LRP5: variants seen among roughly 807,000 people sequenced by gnomAD.
The protein encoded by LRP5 is LDL receptor related protein 5.
In LRP5, 62 loss-of-function variants were observed where a neutral mutation model predicts 154.1. The ratio of observed to expected loss-of-function variants is 0.40; its 90% confidence interval spans 0.33 to 0.50. LRP5 has a LOEUF of 0.50. LRP5 is among the 20% of genes least tolerant of loss of function. The probability of loss-of-function intolerance (pLI) is 0.55; values close to 1 mark genes in which losing one functional copy is unlikely to be tolerated. For missense variants in LRP5, 1,915 were observed against 2,336.7 expected, an observed-to-expected ratio of 0.82 and a Z score of 3.72; for synonymous variants, 966 against 1,011.5, an observed-to-expected ratio of 0.96 and a Z score of 0.85.
intron 13 of LRP5, among the ~76,000 whole-genome samples, chr11:68,420,986 G>A (rs1162424399): frequency 3.9e-5 from 6 of 152,158 alleles, no homozygotes; most frequent in African/African-American, 1.4e-4. Context: ...CAGCACTTTG[G>A]GAGGCCAGGG....
Position 68,316,175 on chromosome 11 carries a change from A to G in LRP5, c.91+3370A>G, listed in dbSNP as rs182768978. Among the ~76,000 whole-genome samples the G allele has an allele frequency of 1.6e-4, 24 of 152,194 alleles. No homozygotes were observed. In the East Asian group the frequency reaches 4.4e-3, roughly 28 times the overall value. ...GTTCTGCCTGTTCTGGGCATTTTGC[A>G]TGAAGGGAATCTTACAATGCGTCTT... On this transcript the variant is annotated intron_variant, in intron 1 of 22. Coordinates refer to ENST00000294304, the MANE Select transcript of LRP5 (RefSeq NM_002335.4).
intron 8 of LRP5, 135 bp downstream of exon 8, chr11:68,403,834 A>G: frequency 1.9e-6 from 2 of 1,032,220 alleles, no homozygotes; most frequent in South Asian, 1.5e-5. Flanking sequence ...GAAAGGTGAC[A>G]GTATCTGGCC....
chr11:68,411,170 G>T lies in LRP5; in HGVS notation c.2319-266G>T, dbSNP rs576472451. On this transcript the variant is annotated intron_variant, in intron 10 of 22. Transcript: ENST00000294304. Reference sequence around the variant, plus strand: ...ACACACTCACCCTGTCTGTGCATCTGTTTTTGTGTCCGTAAGTGGGTATTT... The same window carrying T: ...ACACACTCACCCTGTCTGTGCATCTTTTTTTGTGTCCGTAAGTGGGTATTT... Among the ~76,000 whole-genome samples the T allele has an allele frequency of 4.6e-5, 7 of 152,308 alleles. No homozygotes were observed. In the East Asian group the frequency reaches 1.4e-3, roughly 29 times the overall value.
intron 1 of LRP5, among the ~76,000 whole-genome samples, chr11:68,315,802 A>G (rs1017379878): frequency 2.0e-5 from 3 of 152,234 alleles, no homozygotes; most frequent in Non-Finnish European, 4.4e-5. Flanking sequence ...AGAGGCCCTT[A>G]GAGGCCAGAT....
At chr11:68,438,811 C>A in intron 20 of LRP5, 129 bp downstream of exon 20, 1 of 784,982 alleles carries the variant, frequency 1.3e-6, no homozygotes, top group Non-Finnish European at 2.0e-6. Context: ...TAATCGATCA[C>A]AGCATTCAGC....
At chr11:68,318,224 T>G (rs1443306039) in intron 1 of LRP5, among the ~76,000 whole-genome samples, 10 of 151,918 alleles carry the variant, frequency 6.6e-5, no homozygotes, top group African/African-American at 2.4e-4. Context: ...CCGGCTAATT[T>G]TTTGCATTTT....
Position 68,423,350 on chromosome 11 carries a change from C to A in LRP5, c.3028-139C>A. On this transcript the variant is annotated intron_variant, in intron 13 of 22. Coordinates refer to ENST00000294304, the MANE Select transcript of LRP5 (RefSeq NM_002335.4). The surrounding 1 kb of genome is among the most constrained non-coding windows in gnomAD (Gnocchi z 4.7). ...CCTCTGCTGTCCTGCCAGAGCTCTC[C>A]AGCCAGTGCCCAGGGCTCTCCAGCC... The A allele has an allele frequency of 2.5e-6, 2 of 796,744 alleles. No homozygotes were observed. 49.4% of individuals were successfully genotyped at this position (796,744 alleles called of 1,614,324 possible).
chr11:68,373,221 C>T (rs2098635333), intron 5 of LRP5, among the ~76,000 whole-genome samples: 1 of 152,174 alleles, frequency 6.6e-6, no homozygotes, highest in Non-Finnish European at 1.5e-5. Context: ...GTCTTGAATT[C>T]TGCTTTTTCC....
intron 1 of LRP5, among the ~76,000 whole-genome samples, chr11:68,330,400 A>G (rs2098602095): frequency 6.6e-6 from 1 of 152,228 alleles, no homozygotes; most frequent in African/African-American, 2.4e-5. Context: ...GCTCCACTCA[A>G]CAGTGGACTC....
rs758997145 is a variant in LRP5, at chr11:68,348,213, C to T, written c.458C>T (p.Pro153Leu). Residue 153 changes from proline to leucine, a missense_variant, in exon 2 of 23, where the codon CCG becomes CTG. Transcript: ENST00000294304. ...KVLFWQDLDQ[P>L]RAIALDPAHG... The stretch of plus-strand genomic sequence containing the variant: ...CTCTTCTGGCAGGACCTTGACCAGC[C>T]GAGGGCCATCGCCTTGGACCCCGCT... 40 of 1,609,086 alleles carry T rather than the reference C, an allele frequency of 2.5e-5. No individual in the cohort carries two copies. In the Middle Eastern group the frequency reaches 4.9e-4, roughly 20 times the overall value.
intron 1 of LRP5, among the ~76,000 whole-genome samples, chr11:68,329,740 G>T (rs2098601671): frequency 6.6e-6 from 1 of 152,112 alleles, no homozygotes; most frequent in Non-Finnish European, 1.5e-5. Flanking sequence ...GGTGATGACT[G>T]CTGGCCTCCC....
At chr11:68,299,186 G>A in the LRP5 span, among the ~76,000 whole-genome samples, 1 of 152,208 alleles carries the variant, frequency 6.6e-6, no homozygotes, top group African/African-American at 2.4e-5. Flanking sequence ...TGGGCACAGT[G>A]GGCAGGGCCT....
Position 68,423,760 on chromosome 11 carries a change from C to T in LRP5, c.3236+63C>T, listed in dbSNP as rs117846514. On this transcript the variant is annotated intron_variant, in intron 14 of 22. Transcript: ENST00000294304. This position sits in a 1 kb window ranked among gnomAD's most constrained non-coding sequence, Gnocchi z 4.7. ...CAGGCGTGCCCGCCGTGTCTTCTGC[C>T]GAATGCCAGCCTCTCACAGGCTGGG... 15,163 of 1,495,492 alleles carry T rather than the reference C, an allele frequency of 0.01. 107 individuals carry two copies. Among genetic ancestry groups the T allele is most frequent in the Non-Finnish European group, 0.012 (13,602 of 1,094,422 alleles). The allele number at this position is 1,495,492 out of a possible 1,614,324, so 92.6% of individuals were successfully genotyped here.
Position 68,347,831 on chromosome 11 carries a change from T to C in LRP5, c.92-16T>C. The C allele has an allele frequency of 6.2e-7, 1 of 1,612,760 alleles. No individual in the cohort carries two copies. Among genetic ancestry groups the C allele is most frequent in the Non-Finnish European group, 8.5e-7 (1 of 1,179,932 alleles). ...GGCTTAGCCAGTGGCCCTCACGGTT[T>C]GCTTCTGCCCCACAGCCTCGCCGCT... is the stretch of plus-strand genomic sequence containing the variant. On this transcript the variant is annotated splice_polypyrimidine_tract_variant and intron_variant, in intron 1 of 22. Coordinates refer to ENST00000294304, the MANE Select transcript of LRP5 (RefSeq NM_002335.4).
intron 12 of LRP5, among the ~76,000 whole-genome samples, chr11:68,415,394 C>T (rs1378398544): frequency 1.3e-5 from 2 of 152,184 alleles, no homozygotes; most frequent in Non-Finnish European, 2.9e-5. Flanking sequence ...CACTACATTC[C>T]ACCACCAGTG....
At chr11:68,326,992 G>C (rs779728874) in intron 1 of LRP5, among the ~76,000 whole-genome samples, 10 of 152,202 alleles carry the variant, frequency 6.6e-5, no homozygotes, top group Non-Finnish European at 1.5e-4. Context: ...TGTTGTGCAG[G>C]GATGGTGGGG....
In LRP5 at chr11:68,413,551, C is replaced by T; in HGVS notation, c.2504-138C>T. On this transcript the variant is annotated intron_variant, in intron 11 of 22. Coordinates refer to ENST00000294304, the MANE Select transcript of LRP5 (RefSeq NM_002335.4). This position sits in a 1 kb window ranked among gnomAD's most constrained non-coding sequence, Gnocchi z 5.1. The stretch of plus-strand genomic sequence containing the variant: ...GCTTCAGTGGATCTTGCTGGTTTTC[C>T]AAGGTGGCCAAACACTTTAAGGCAT... 1.3e-6 allele frequency: 1 copy of T among 761,304 alleles called. No homozygotes were observed. Among genetic ancestry groups the T allele is most frequent in the Non-Finnish European group, 2.3e-6 (1 of 437,778 alleles). The allele number at this position is 761,304 out of a possible 1,614,324, so 47.2% of individuals were successfully genotyped here.
At chr11:68,317,533 G>A (rs2098594136) in intron 1 of LRP5, among the ~76,000 whole-genome samples, 1 of 152,178 alleles carries the variant, frequency 6.6e-6, no homozygotes, top group African/African-American at 2.4e-5. Flanking sequence ...TTCCCTACCT[G>A]GGTAGTGGGG....
In LRP5 at chr11:68,351,710, C is replaced by T. The variant is rs537390803; in HGVS notation, c.488+3467C>T. Among the ~76,000 whole-genome samples, 247 of 152,306 alleles carry T rather than the reference C, an allele frequency of 1.6e-3. 1 individual carries two copies. Among genetic ancestry groups the T allele is most frequent in the African/African-American group, 5.6e-3 (232 of 41,566 alleles). ...GCAGCGGGTATAGCCCAGTCTCTGG[C>T]CCTTTCAGTGAGTGGGAGGAGATGG... On this transcript the variant is annotated intron_variant, in intron 2 of 22. Transcript: ENST00000294304.
Sources: allele counts gnomAD v4.1 joint callset (sites outside exome capture counted in the v4.1 genomes callset), GRCh38; gene constraint gnomAD v4.1.1; non-coding constraint Gnocchi (gnomAD v3.1); transcripts MANE v1.5; gene names NCBI Gene and HGNC (gene_info 2026-07-23, HGNC 2026-07-21).